Variants in VRK2 observed in about 807,000 individuals in gnomAD.
The protein encoded by VRK2 is VRK serine/threonine kinase 2, also known as serine/threonine-protein kinase VRK2.
A neutral mutation model predicts 57.6 loss-of-function variants in VRK2; 60 were observed. The ratio of observed to expected loss-of-function variants is 1.04; its 90% CI spans 0.85 to 1.29. The LOEUF (loss-of-function observed/expected upper bound fraction) is 1.29. VRK2 is among the 50% of genes most tolerant of loss of function. VRK2 has a pLI of 0.00. For missense variants in VRK2, 705 were observed against 588.1 expected, an observed-to-expected ratio of 1.20 and a Z score of -2.06; for synonymous variants, 231 against 199.2, an observed-to-expected ratio of 1.16 and a Z score of -1.35.
At chr2:57,936,508 G>C (rs1478309001) in intron 1 of VRK2, among the ~76,000 whole-genome samples, 4 of 141,712 alleles carry the variant, frequency 2.8e-5, no homozygotes, top group Admixed American at 6.9e-5. Context: ...TCATTTTTTT[G>C]TTTTGTTTTG....
intron 11 of VRK2, among the ~76,000 whole-genome samples, chr2:58,140,715 T>G (rs1011170401): frequency 6.6e-6 from 1 of 152,058 alleles, no homozygotes; most frequent in Non-Finnish European, 1.5e-5. Flanking sequence ...TGCTGAATTT[T>G]GTAGTTGCTG....
At chr2:58,126,786 C>T (rs1678415700) in intron 8 of VRK2, among the ~76,000 whole-genome samples, 1 of 151,814 alleles carries the variant, frequency 6.6e-6, no homozygotes, top group African/African-American at 2.4e-5. Context: ...TAAACACTGA[C>T]ATATTTTGGG....
chr2:57,971,578 GTATT>G (rs890253201), intron 1 of VRK2, among the ~76,000 whole-genome samples: 1 of 151,646 alleles, frequency 6.6e-6, no homozygotes, highest in African/African-American at 2.4e-5. Flanking sequence ...ATCTATTTAT[GTATT>G]TATTTATTTA....
At chr2:58,156,817 T>G (rs1477017457) in intron 12 of VRK2, among the ~76,000 whole-genome samples, 1 of 152,214 alleles carries the variant, frequency 6.6e-6, no homozygotes. Flanking sequence ...CCTTGTTTGA[T>G]AATTGTACCA....
chr2:57,963,081 A>T (rs1378765292), intron 1 of VRK2, among the ~76,000 whole-genome samples: 1 of 152,206 alleles, frequency 6.6e-6, no homozygotes, highest in Non-Finnish European at 1.5e-5. Flanking sequence ...AGATAATCTC[A>T]AAGTCCCAGG....
chr2:58,118,722 A>T (rs1252824549), intron 7 of VRK2, among the ~76,000 whole-genome samples: 2 of 152,194 alleles, frequency 1.3e-5, no homozygotes, highest in African/African-American at 2.4e-5. Context: ...GTGTGAAGAG[A>T]CTACCAAACA....
At chr2:57,967,778 C>T (rs1404479755) in intron 1 of VRK2, among the ~76,000 whole-genome samples, 1 of 150,460 alleles carries the variant, frequency 6.6e-6, no homozygotes, top group African/African-American at 2.5e-5. Context: ...TTTCATTAAA[C>T]AAATAAAAAT....
chr2:58,088,518 T>C, intron 6 of VRK2, 72 bp downstream of exon 6: 1 of 1,163,302 alleles, frequency 8.6e-7, no homozygotes, highest in Non-Finnish European at 1.3e-6. Flanking sequence ...TCTTTTCCCT[T>C]TGTGGAATTA....
At chr2:58,071,230 C>A (rs1019566277) in intron 2 of VRK2, among the ~76,000 whole-genome samples, 3 of 151,962 alleles carry the variant, frequency 2.0e-5, no homozygotes, top group African/African-American at 7.2e-5. Flanking sequence ...TTGCAAATAT[C>A]TCCTCCCAGA....
chr2:57,929,368 C>A (rs1309610660), intron 1 of VRK2, among the ~76,000 whole-genome samples: 1 of 152,208 alleles, frequency 6.6e-6, no homozygotes, highest in Admixed American at 6.5e-5. Flanking sequence ...TACTGCCTAA[C>A]CACCACCAGT....
intron 1 of VRK2, among the ~76,000 whole-genome samples, chr2:57,960,638 G>C (rs1671729714): frequency 6.6e-6 from 1 of 152,228 alleles, no homozygotes. Flanking sequence ...TTCCAGAACA[G>C]TGAACTCCCA....
chr2:58,075,993 T>A (rs188709917), intron 2 of VRK2, among the ~76,000 whole-genome samples: 4 of 152,186 alleles, frequency 2.6e-5, no homozygotes, highest in African/African-American at 9.6e-5. Flanking sequence ...ATTGTTCAGT[T>A]TTTTTCTTTT....
Position 57,918,357 on chromosome 2 carries a change from G to T in VRK2, c.-439+10518G>T, listed in dbSNP as rs199890774. Among the ~76,000 whole-genome samples, 6 of 141,514 alleles carry T rather than the reference G, an allele frequency of 4.2e-5. No homozygotes were observed. The East Asian group carries it at 6.2e-4, about 15-fold the overall frequency. The allele number at this position is 141,514 out of a possible 152,430, so 92.8% of individuals were successfully genotyped here. On this transcript the variant is annotated intron_variant, in intron 1 of 15. Coordinates refer to the VRK2 transcript ENST00000417641. ...TGCCACTTTTCATTTCATTTTTTTT[G>T]AAAAATCCTACTTTGTGCATATAAA...
intron 7 of VRK2, among the ~76,000 whole-genome samples, chr2:58,098,250 A>G (rs889793192): frequency 6.6e-6 from 1 of 152,174 alleles, no homozygotes; most frequent in Admixed American, 6.5e-5. Context: ...TTAAAAAAAT[A>G]AATAGTTTAT....
chr2:58,146,311 A>G lies in VRK2; in HGVS notation c.1024-5A>G. The G allele has an allele frequency of 1.2e-6, 2 of 1,606,318 alleles. No individual in the cohort carries two copies. Among genetic ancestry groups the G allele is most frequent in the Non-Finnish European group, 1.7e-6 (2 of 1,176,000 alleles). The stretch of plus-strand genomic sequence containing the variant: ...TATATATTATTACTTACTCTATACC[A>G]ACAGGTTGATTCACAAAAGGCTGCA... On this transcript the variant is annotated splice_polypyrimidine_tract_variant and splice_region_variant and intron_variant, in intron 11 of 12. Coordinates refer to ENST00000340157, the MANE Select transcript of VRK2 (RefSeq NM_006296.7).
intron 2 of VRK2, among the ~76,000 whole-genome samples, chr2:58,083,571 A>G (rs1203596474): frequency 6.6e-6 from 1 of 151,856 alleles, no homozygotes; most frequent in Non-Finnish European, 1.5e-5. Flanking sequence ...CTTTATTCTC[A>G]TTTTAACCTT....
rs1201367293 is a variant in VRK2, at chr2:58,123,111, C to CA, written c.555dup (p.Asp186ArgfsTer22). The CA allele has an allele frequency of 2.5e-6, 4 of 1,598,020 alleles. No homozygotes were observed. In the African/African-American group the frequency reaches 4.1e-5, roughly 16 times the overall value. On this transcript the variant is annotated frameshift_variant, in exon 8 of 13. Coordinates refer to ENST00000340157, the MANE Select transcript of VRK2 (RefSeq NM_006296.7). LOFTEE classifies it high-confidence loss of function. ...GTGCTTGTCTTCCAGGTTTATCTTGCAGATTATGGACTTTCCTACAGATAT... is the reference window on the plus strand; with the variant it reads ...GTGCTTGTCTTCCAGGTTTATCTTGCAAGATTATGGACTTTCCTACAGATAT...
chr2:58,057,384 C>A (rs1436893706), intron 2 of VRK2, among the ~76,000 whole-genome samples: 1 of 152,070 alleles, frequency 6.6e-6, no homozygotes, highest in East Asian at 1.9e-4. Flanking sequence ...TTTTAAAATA[C>A]AAGAAGCTGT....
chr2:58,029,734 T>C (rs2103693122), intron 2 of VRK2, among the ~76,000 whole-genome samples: 1 of 152,264 alleles, frequency 6.6e-6, no homozygotes, highest in East Asian at 1.9e-4. Context: ...CTTTGCCAGC[T>C]CTGGGGTCTA....
Sources: allele counts gnomAD v4.1 joint callset (sites outside exome capture counted in the v4.1 genomes callset), GRCh38; gene constraint gnomAD v4.1.1; transcripts MANE v1.5; gene names NCBI Gene and HGNC (gene_info 2026-07-23, HGNC 2026-07-21).